Variants in BORCS5 observed in about 807,000 individuals in gnomAD.
BORCS5 encodes the protein BLOC-1 related complex subunit 5, also known as BLOC-1-related complex subunit 5.
Under a neutral mutation model 22.1 loss-of-function variants are expected in BORCS5, and 17 were observed. The ratio of observed to expected loss-of-function variants is 0.77; its 90% CI spans 0.53 to 1.15. BORCS5 has a LOEUF of 1.15. BORCS5 is among the 50% of genes most tolerant of loss of function. The pLI, the probability that BORCS5 is intolerant of heterozygous loss-of-function variation, is 0.00. For synonymous variants in BORCS5, 117 were observed against 99.8 expected (o/e 1.17, Z -1.03); for missense variants, 247 against 253.2 (o/e 0.98, Z 0.17).
chr12:12,378,861 TC>T (rs1036242222), intron 2 of BORCS5, among the ~76,000 whole-genome samples: 11 of 151,282 alleles, frequency 7.3e-5, no homozygotes, highest in Non-Finnish European at 1.5e-4. Context: ...CAAGTAATCT[TC>T]CTGCCTCAGC....
chr12:12,363,070 A>G (rs1299405181), intron 2 of BORCS5, among the ~76,000 whole-genome samples: 1 of 151,894 alleles, frequency 6.6e-6, no homozygotes, highest in Admixed American at 6.6e-5. Context: ...CTGAGGCAGG[A>G]GGATCACTTG....
intron 3 of BORCS5, among the ~76,000 whole-genome samples, chr12:12,444,273 G>A (rs905361709): frequency 6.6e-6 from 1 of 152,224 alleles, no homozygotes; most frequent in African/African-American, 2.4e-5. Context: ...TCAAAGATGT[G>A]TAATGGATCA....
intron 2 of BORCS5, among the ~76,000 whole-genome samples, chr12:12,392,045 CAAAAAA>C (rs61408318): frequency 0.022 from 1,477 of 66,856 alleles, 17 homozygotes; most frequent in South Asian, 0.046. Context: ...GACTTCATTT[CAAAAAA>C]AAAAAAAAAA....
At chr12:12,373,820 A>G (rs1863582794) in intron 2 of BORCS5, among the ~76,000 whole-genome samples, 1 of 152,156 alleles carries the variant, frequency 6.6e-6, no homozygotes, top group Admixed American at 6.5e-5. Flanking sequence ...TATTAGTAAC[A>G]CTGGCCACAT....
chr12:12,386,060 G>A (rs1863872503), intron 2 of BORCS5, among the ~76,000 whole-genome samples: 1 of 150,668 alleles, frequency 6.6e-6, no homozygotes, highest in South Asian at 2.1e-4. Flanking sequence ...GAGTGCAGTG[G>A]CGCAGTCTTG....
intron 3 of BORCS5, among the ~76,000 whole-genome samples, chr12:12,464,241 C>T (rs996034659): frequency 6.6e-6 from 1 of 151,436 alleles, no homozygotes; most frequent in Non-Finnish European, 1.5e-5. Flanking sequence ...CCGTGCCCAA[C>T]TAGCTGCTCC....
At chr12:12,419,125 A>G (rs1030193893) in intron 2 of BORCS5, among the ~76,000 whole-genome samples, 4 of 152,130 alleles carry the variant, frequency 2.6e-5, no homozygotes, top group Admixed American at 6.5e-5. Context: ...TATATGTGCC[A>G]TGTTGGTTTG....
At chr12:12,409,406 GT>G (rs56268462) in intron 2 of BORCS5, among the ~76,000 whole-genome samples, 28,652 of 150,724 alleles carry the variant, frequency 0.19, 3,526 homozygotes, top group African/African-American at 0.35. Context: ...GGTGTGTGAT[GT>G]TTCCCTTCCT....
intron 2 of BORCS5, among the ~76,000 whole-genome samples, chr12:12,394,219 G>C (rs181278623): frequency 2.0e-5 from 3 of 151,792 alleles, no homozygotes; most frequent in Non-Finnish European, 4.4e-5. Context: ...CCAGCTACTC[G>C]GGAGGCTGAG....
At chr12:12,419,744 G>A (rs1420494913) in intron 2 of BORCS5, among the ~76,000 whole-genome samples, 1 of 152,258 alleles carries the variant, frequency 6.6e-6, no homozygotes, top group East Asian at 1.9e-4. Context: ...ATTCTAATTG[G>A]CATGAGATGG....
intron 3 of BORCS5, among the ~76,000 whole-genome samples, chr12:12,457,537 T>C (rs945492211): frequency 3.3e-5 from 5 of 151,992 alleles, no homozygotes; most frequent in East Asian, 1.9e-4. Context: ...GGCGAGGTGG[T>C]GGGCGCCTGT....
chr12:12,409,654 AGTCTTTGCTATT>A (rs1398196984), intron 2 of BORCS5, among the ~76,000 whole-genome samples: 2 of 152,108 alleles, frequency 1.3e-5, no homozygotes, highest in African/African-American at 4.8e-5. Flanking sequence ...GTTGGTTCCA[AGTCTTTGCTATT>A]GTGAATAGTG....
rs778057818 is a variant in BORCS5 at position 12,470,908 on chromosome 12, C to A, written c.*5132C>A. ...CAGTGTAAGATCTGATGGAATTTAC[C>A]GTTGACTCAATTTTCTTCACCAATC... On this transcript the variant is annotated 3_prime_UTR_variant, in exon 4 of 4. Coordinates refer to ENST00000314565, the MANE Select transcript of BORCS5 (RefSeq NM_058169.6). Among the ~76,000 whole-genome samples, 1 of 151,996 alleles carries A rather than the reference C, an allele frequency of 6.6e-6. No homozygotes were observed. Among genetic ancestry groups the A allele is most frequent in the South Asian group, 2.1e-4 (1 of 4,812 alleles).
At chr12:12,416,862 G>A (rs1261934972) in intron 2 of BORCS5, among the ~76,000 whole-genome samples, 1 of 147,436 alleles carries the variant, frequency 6.8e-6, no homozygotes, top group East Asian at 2.0e-4. Flanking sequence ...GCTCACTGCA[G>A]CCTCTGCCTC....
At position 12,465,781 on chromosome 12, in the gene BORCS5, T is replaced by C. The variant is rs967648; in HGVS notation, c.*5T>C. Reference sequence around the variant, plus strand: ...GACCGCGAGCTCAGGCTGTAGCTGCTGCCCGGCCTGCCTGGGGCTGGGAGC... The same window carrying C: ...GACCGCGAGCTCAGGCTGTAGCTGCCGCCCGGCCTGCCTGGGGCTGGGAGC... On this transcript the variant is annotated 3_prime_UTR_variant, in exon 4 of 4. Coordinates refer to ENST00000314565, the MANE Select transcript of BORCS5 (RefSeq NM_058169.6). 1,593,378 of 1,609,154 alleles carry C rather than the reference T, an allele frequency of 0.99. 789,898 individuals carry two copies. The highest frequency in any genetic ancestry group is 1 in the East Asian group (44,805 of 44,808).
At chr12:12,440,606 A>G (rs1206669002) in intron 3 of BORCS5, among the ~76,000 whole-genome samples, 1 of 14,462 alleles carries the variant, frequency 6.9e-5, no homozygotes, top group East Asian at 0.083. Context: ...TAGGTCTTTG[A>G]AAAAAAAAAA....
chr12:12,442,143 T>G (rs1942696021), intron 3 of BORCS5, among the ~76,000 whole-genome samples: 1 of 151,176 alleles, frequency 6.6e-6, no homozygotes, highest in Admixed American at 6.6e-5. Context: ...CCCAGGAAGA[T>G]GCAGCACAGA....
In BORCS5 at chr12:12,376,407, G is replaced by A. The variant is rs139560090; in HGVS notation, c.202+15058G>A. Among the ~76,000 whole-genome samples, 1,095 of 151,820 alleles carry A rather than the reference G, an allele frequency of 7.2e-3. 16 individuals carry two copies. The highest frequency in any genetic ancestry group is 0.031 in the Middle Eastern group (9 of 290). Reference sequence around the variant, plus strand: ...CGCCACCACGCCCGGCTAATTTTTTGTATTTTTAGTAGAGAGGGGGTTTCA... The same window carrying A: ...CGCCACCACGCCCGGCTAATTTTTTATATTTTTAGTAGAGAGGGGGTTTCA... On this transcript the variant is annotated intron_variant, in intron 2 of 3. Coordinates refer to ENST00000314565, the MANE Select transcript of BORCS5 (RefSeq NM_058169.6).
chr12:12,417,653 A>G (rs746568060), intron 2 of BORCS5, among the ~76,000 whole-genome samples: 1 of 152,072 alleles, frequency 6.6e-6, no homozygotes, highest in Non-Finnish European at 1.5e-5. Context: ...ATAAATGTTT[A>G]TAATTTTTAA....
Sources: gnomAD v4.1 joint callset for allele counts (sites outside exome capture counted in the v4.1 genomes callset) on GRCh38, gnomAD v4.1.1 for gene constraint, MANE v1.5 for transcripts, NCBI Gene and HGNC (gene_info 2026-07-23, HGNC 2026-07-21) for gene names.